Variants in COL5A2 observed in about 807,000 individuals in gnomAD.
COL5A2 encodes collagen alpha-2(V) chain.
A neutral mutation model predicts 208.2 loss-of-function variants in COL5A2; 23 were observed. The observed-to-expected ratio is 0.11, with a 90% CI of 0.08 to 0.16. COL5A2 has a LOEUF of 0.16. COL5A2 is among the 10% of genes least tolerant of loss of function. The pLI, the probability that COL5A2 is intolerant of heterozygous loss-of-function variation, is 1.00. For missense variants in COL5A2, 1,590 were observed against 1,956.4 expected (o/e 0.81, Z 3.53); for synonymous variants, 625 against 628.5 (o/e 0.99, Z 0.08).
intron 2 of COL5A2, among the ~76,000 whole-genome samples, chr2:189,108,828 G>A (rs367723797): frequency 4.0e-5 from 6 of 150,912 alleles, no homozygotes; most frequent in African/African-American, 1.5e-4. Flanking sequence ...GCTTTATTTT[G>A]TGTGATATCA....
the COL5A2 span, among the ~76,000 whole-genome samples, chr2:189,253,183 A>G: frequency 1.3e-5 from 2 of 152,196 alleles, no homozygotes; most frequent in Non-Finnish European, 2.9e-5. Flanking sequence ...GAAGGACCTT[A>G]TTCCTAGGAA....
At chr2:189,066,682 C>A (rs1251135918) in intron 22 of COL5A2, 47 bp downstream of exon 22, 1 of 1,503,224 alleles carries the variant, frequency 6.7e-7, no homozygotes, top group East Asian at 2.3e-5. Flanking sequence ...CTGTACACTT[C>A]CAGACAATAC....
chr2:189,210,895 A>G (rs1689204498), intron 1 of COL5A2, among the ~76,000 whole-genome samples: 1 of 152,206 alleles, frequency 6.6e-6, no homozygotes, highest in African/African-American at 2.4e-5. Flanking sequence ...ATCTATGCCA[A>G]GTAATCTGCA....
the COL5A2 span, among the ~76,000 whole-genome samples, chr2:189,399,458 C>A: frequency 6.6e-6 from 1 of 151,988 alleles, no homozygotes; most frequent in Non-Finnish European, 1.5e-5. Flanking sequence ...ACCATGTTGG[C>A]CAGGCTGGTC....
the COL5A2 span, among the ~76,000 whole-genome samples, chr2:189,350,412 T>C: frequency 3.9e-5 from 6 of 152,164 alleles, no homozygotes; most frequent in Middle Eastern, 3.2e-3. Context: ...CCCACTCATA[T>C]ATAAGAAAGC....
chr2:189,036,744 T>C lies in COL5A2; in HGVS notation c.3985A>G (p.Asn1329Asp). 1 of 1,613,794 alleles carries C rather than the reference T, an allele frequency of 6.2e-7. No individual in the cohort carries two copies. Among genetic ancestry groups the C allele is most frequent in the African/African-American group, 1.3e-5 (1 of 75,046 alleles). Reference protein sequence around the residue: ...SVEDAIKVYCNMETGETCISA... With the variant: ...SVEDAIKVYCDMETGETCISA... ...ATACATGTTTCTCCTGTTTCCATGT[T>C]GCAGTAAACTTTGATTGCATCTTCA... The change falls in exon 52 of 54, where the codon AAC (asparagine) becomes GAC (aspartate). Residue 1329 changes from asparagine to aspartate, a missense_variant. Transcript: ENST00000374866.
At chr2:189,359,157 G>A in the COL5A2 span, among the ~76,000 whole-genome samples, 1 of 152,130 alleles carries the variant, frequency 6.6e-6, no homozygotes, top group Non-Finnish European at 1.5e-5. Flanking sequence ...TGATCTTGGA[G>A]AAAAAGCTTT....
At chr2:189,419,179 T>A in the COL5A2 span, among the ~76,000 whole-genome samples, 1 of 152,178 alleles carries the variant, frequency 6.6e-6, no homozygotes, top group Non-Finnish European at 1.5e-5. Flanking sequence ...GTCCCTTATA[T>A]TGACTTTTCT....
intron 31 of COL5A2, among the ~76,000 whole-genome samples, chr2:189,060,378 A>C (rs1403871018): frequency 6.6e-6 from 1 of 151,758 alleles, no homozygotes; most frequent in Non-Finnish European, 1.5e-5. Context: ...GAACAAATGA[A>C]TCATTCAAAG....
chr2:189,403,208 G>T, the COL5A2 span, among the ~76,000 whole-genome samples: 1 of 152,138 alleles, frequency 6.6e-6, no homozygotes. Context: ...TTGGCTCTTG[G>T]CTTGCCTGTT....
intron 29 of COL5A2, among the ~76,000 whole-genome samples, chr2:189,062,226 C>G (rs979027362): frequency 6.7e-6 from 1 of 150,224 alleles, no homozygotes; most frequent in Non-Finnish European, 1.5e-5. Context: ...CTCTGCCACC[C>G]AGGCTGGAGT....
Position 189,039,334 on chromosome 2 carries a change from G to A in COL5A2, c.3863C>T (p.Ser1288Leu), listed in dbSNP as rs1685508798. ...QIETMRSPDG[S>L]KKHPARTCDD... is the part of the protein sequence containing the mutation. ...ACACGTGCGGGCTGGGTGCTTTTTCGAGCCATCGGGGCTGCGCATGGTTTC... is the reference window on the plus strand; with the variant it reads ...ACACGTGCGGGCTGGGTGCTTTTTCAAGCCATCGGGGCTGCGCATGGTTTC... The change falls in exon 51 of 54, where the codon TCG (serine) becomes TTG (leucine). Residue 1288 changes from serine to leucine, a missense_variant. Physicochemically the swap from Ser to Leu is moderately radical, Grantham distance 145 (BLOSUM62 -2). Transcript: ENST00000374866. The A allele has an allele frequency of 3.1e-6, 5 of 1,613,914 alleles. No individual in the cohort carries two copies. Among genetic ancestry groups the A allele is most frequent in the Non-Finnish European group, 3.4e-6 (4 of 1,180,006 alleles).
At chr2:189,245,897 C>A in the COL5A2 span, among the ~76,000 whole-genome samples, 1 of 152,130 alleles carries the variant, frequency 6.6e-6, no homozygotes. Context: ...ACTCTTCTGG[C>A]TGGAGAAATT....
At chr2:189,243,553 T>C in the COL5A2 span, among the ~76,000 whole-genome samples, 2 of 152,088 alleles carry the variant, frequency 1.3e-5, no homozygotes, top group African/African-American at 4.8e-5. Context: ...ATGATTCAAC[T>C]ACCTCCCACT....
chr2:189,354,294 T>C, the COL5A2 span, among the ~76,000 whole-genome samples: 2 of 152,226 alleles, frequency 1.3e-5, no homozygotes, highest in African/African-American at 4.8e-5. Flanking sequence ...GCTGGCCTCA[T>C]AAAATCAGTC....
intron 1 of COL5A2, among the ~76,000 whole-genome samples, chr2:189,172,215 C>T (rs553146556): frequency 6.6e-6 from 1 of 152,158 alleles, no homozygotes; most frequent in Non-Finnish European, 1.5e-5. Flanking sequence ...AACTTGTTTA[C>T]AAGCTAAAGG....
intron 1 of COL5A2, among the ~76,000 whole-genome samples, chr2:189,175,866 T>C (rs1343291015): frequency 1.3e-5 from 2 of 152,188 alleles, no homozygotes; most frequent in South Asian, 2.1e-4. Flanking sequence ...AAACCTTTTT[T>C]TGTTTGTTTA....
chr2:189,275,553 A>C, the COL5A2 span, among the ~76,000 whole-genome samples: 1 of 150,800 alleles, frequency 6.6e-6, no homozygotes, highest in Non-Finnish European at 1.5e-5. Context: ...TTCTGGGTTC[A>C]AGTGATTCTT....
chr2:189,355,943 C>T, the COL5A2 span, among the ~76,000 whole-genome samples: 1 of 152,108 alleles, frequency 6.6e-6, no homozygotes, highest in Non-Finnish European at 1.5e-5. Flanking sequence ...TTTAGTGTTT[C>T]CTTCAGGAGC....
Sources: allele counts gnomAD v4.1 joint callset (sites outside exome capture counted in the v4.1 genomes callset), GRCh38; gene constraint gnomAD v4.1.1; transcripts MANE v1.5; gene names NCBI Gene and HGNC (gene_info 2026-07-23, HGNC 2026-07-21).